Variants in WWP1 observed in about 807,000 individuals in gnomAD.
WWP1 encodes the protein WW domain containing E3 ubiquitin protein ligase 1.
A neutral mutation model predicts 130.6 loss-of-function variants in WWP1; 49 were observed. The observed-to-expected ratio is 0.38, with a 90% confidence interval of 0.30 to 0.48. The LOEUF is 0.48. Among genes scored for constraint, WWP1 ranks in the 20% least tolerant of loss-of-function variants. The pLI, the probability that WWP1 is intolerant of heterozygous loss-of-function variation, is 0.99. For synonymous variants in WWP1, 332 were observed against 367.8 expected, an observed-to-expected ratio of 0.90 and a Z score of 1.11; for missense variants, 809 against 1,100.6, an observed-to-expected ratio of 0.74 and a Z score of 3.75.
intron 18 of WWP1, among the ~76,000 whole-genome samples, chr8:86,444,460 T>C (rs1810754896): frequency 1.3e-5 from 2 of 152,132 alleles, no homozygotes; most frequent in South Asian, 4.1e-4. Context: ...TAAAAGGCAA[T>C]ATGATTGTTT....
intron 1 of WWP1, among the ~76,000 whole-genome samples, chr8:86,362,139 T>C (rs1444088130): frequency 5.1e-5 from 6 of 118,246 alleles, no homozygotes; most frequent in African/African-American, 1.0e-4. Flanking sequence ...TGTATATATA[T>C]ACTAGGCATA....
intron 5 of WWP1, among the ~76,000 whole-genome samples, chr8:86,393,881 A>C (rs1350391934): frequency 1.3e-5 from 2 of 152,206 alleles, no homozygotes; most frequent in Non-Finnish European, 2.9e-5. Context: ...GATGGTGTAC[A>C]AACTCTGAGA....
chr8:86,358,113 A>ATCCC (rs1205464853), intron 1 of WWP1, among the ~76,000 whole-genome samples: 1 of 152,166 alleles, frequency 6.6e-6, no homozygotes, highest in Admixed American at 6.5e-5. Flanking sequence ...TCTCTCTTAT[A>ATCCC]TTCTTTTGTT....
chr8:86,459,332 G>C (rs762313384), intron 22 of WWP1, among the ~76,000 whole-genome samples: 1 of 151,890 alleles, frequency 6.6e-6, no homozygotes, highest in Non-Finnish European at 1.5e-5. Context: ...CACCATGCCC[G>C]GCTTTTCTTT....
intron 5 of WWP1, among the ~76,000 whole-genome samples, chr8:86,385,040 A>T (rs146969291): frequency 6.6e-6 from 1 of 152,128 alleles, no homozygotes; most frequent in African/African-American, 2.4e-5. Flanking sequence ...AAAAAAAAGT[A>T]AACAACTGCC....
At position 86,468,366 on chromosome 8, in the gene WWP1, T is replaced by A; in HGVS notation, c.*1473T>A. ...GACGAAAGAAAGGCAGAGATCTGCT[T>A]GGTTGAATAGACTCCTTTTCCAAAT... On this transcript the variant is annotated 3_prime_UTR_variant, in exon 25 of 25. Transcript: ENST00000517970. 2.2e-6 allele frequency: 1 copy of A among 453,962 alleles called. No homozygotes were observed. The highest frequency in any genetic ancestry group is 4.4e-6 in the Non-Finnish European group (1 of 226,492). 28.1% of individuals were successfully genotyped at this position (453,962 alleles called of 1,614,324 possible).
At chr8:86,369,976 A>G (rs1051064583) in intron 2 of WWP1, among the ~76,000 whole-genome samples, 12 of 152,322 alleles carry the variant, frequency 7.9e-5, no homozygotes, top group Admixed American at 3.3e-4. Flanking sequence ...AATAAAAAAC[A>G]TTTGGGAACC....
chr8:86,455,535 C>T (rs970869414), intron 21 of WWP1, among the ~76,000 whole-genome samples: 4 of 151,828 alleles, frequency 2.6e-5, no homozygotes, highest in African/African-American at 9.7e-5. Context: ...TAGCAACAGA[C>T]ACTTAAAATT....
At chr8:86,344,348 C>T (rs79771826) in intron 1 of WWP1, among the ~76,000 whole-genome samples, 2,433 of 152,290 alleles carry the variant, frequency 0.016, 26 homozygotes, top group Non-Finnish European at 0.022. Context: ...CGGCATAATA[C>T]AGGATGTCGC....
intron 2 of WWP1, among the ~76,000 whole-genome samples, chr8:86,372,767 A>G (rs553146702): frequency 1.3e-5 from 2 of 150,636 alleles, no homozygotes; most frequent in East Asian, 3.9e-4. Context: ...ATTTTGTTTC[A>G]TTTTTTTCCC....
chr8:86,394,187 A>G lies in WWP1; in HGVS notation c.335-4155A>G, dbSNP rs1274266110. Among the ~76,000 whole-genome samples the G allele has an allele frequency of 4.6e-5, 7 of 152,258 alleles. No individual in the cohort carries two copies. The East Asian group carries it at 1.3e-3, about 29-fold the overall frequency. On this transcript the variant is annotated intron_variant, in intron 5 of 24. Transcript: ENST00000517970. ...GCTTCAGAATGTGGCTCTGAGCTAA[A>G]TAGAAGTCTGTGAAACATGTTTTCA... is the stretch of plus-strand genomic sequence containing the variant.
At chr8:86,352,531 A>C (rs1822995576) in intron 1 of WWP1, among the ~76,000 whole-genome samples, 1 of 151,738 alleles carries the variant, frequency 6.6e-6, no homozygotes. Context: ...GCCCTGCCTA[A>C]TTTTTTATTT....
At chr8:86,385,576 T>TA (rs1215329676) in intron 5 of WWP1, among the ~76,000 whole-genome samples, 1 of 152,204 alleles carries the variant, frequency 6.6e-6, no homozygotes, top group Non-Finnish European at 1.5e-5. Flanking sequence ...AGCAGGTGAC[T>TA]GTTACCAGAA....
chr8:86,385,719 AC>A (rs1195166976), intron 5 of WWP1, among the ~76,000 whole-genome samples: 1 of 152,218 alleles, frequency 6.6e-6, no homozygotes, highest in Non-Finnish European at 1.5e-5. Flanking sequence ...GGAATTAATG[AC>A]CAACTTGAAA....
chr8:86,459,176 C>T (rs767226203), intron 22 of WWP1, among the ~76,000 whole-genome samples: 16 of 151,720 alleles, frequency 1.1e-4, no homozygotes, highest in Non-Finnish European at 2.4e-4. Flanking sequence ...GTTGGGATTA[C>T]GGGTGTGCGC....
chr8:86,428,316 T>G (rs1307875211), intron 11 of WWP1, among the ~76,000 whole-genome samples: 1 of 152,192 alleles, frequency 6.6e-6, no homozygotes, highest in African/African-American at 2.4e-5. Context: ...TAATGCTGTC[T>G]GAAAATTTGA....
intron 9 of WWP1, among the ~76,000 whole-genome samples, chr8:86,415,933 A>G (rs1165261152): frequency 6.6e-6 from 1 of 152,228 alleles, no homozygotes; most frequent in Admixed American, 6.5e-5. Flanking sequence ...CAGGCACTCA[A>G]TAAATATTTG....
intron 1 of WWP1, among the ~76,000 whole-genome samples, chr8:86,351,012 C>A (rs936944800): frequency 4.6e-5 from 7 of 152,142 alleles, no homozygotes; most frequent in African/African-American, 1.7e-4. Flanking sequence ...TTTTGGCATA[C>A]AGGTTAAGAG....
intron 3 of WWP1, among the ~76,000 whole-genome samples, chr8:86,378,654 A>G (rs371362096): frequency 6.6e-6 from 1 of 152,180 alleles, no homozygotes; most frequent in Non-Finnish European, 1.5e-5. Context: ...CATTATTTAT[A>G]TGTACATTTT....
Sources: allele counts gnomAD v4.1 joint callset (sites outside exome capture counted in the v4.1 genomes callset), GRCh38; gene constraint gnomAD v4.1.1; transcripts MANE v1.5; gene names NCBI Gene and HGNC (gene_info 2026-07-23, HGNC 2026-07-21).